The following MLYCD variants were observed in gnomAD, a reference collection of about 807,000 sequenced individuals.
MLYCD encodes the protein malonyl-CoA decarboxylase.
A neutral mutation model predicts 35.8 loss-of-function variants in MLYCD; 27 were observed. That is an observed-to-expected ratio of 0.75 (90% CI 0.56 to 1.04). The LOEUF is 1.04. Ranked by LOEUF, MLYCD falls within the 50% of genes least tolerant of loss-of-function variation. The pLI is 0.00. For synonymous variants in MLYCD, 403 were observed against 302.4 expected (o/e 1.33, Z -3.45); for missense variants, 917 against 665.1 (o/e 1.38, Z -4.17).
Position 83,899,467 on chromosome 16 carries a change from G to T in MLYCD, c.323G>T (p.Gly108Val), listed in dbSNP as rs373241059. Reference sequence around the variant, plus strand: ...GGCCAGGTGGCGGAGCAGAGCGCCGGCGTGCTCCATCTGCGCCAGCAGCAG... The same window carrying T: ...GGCCAGGTGGCGGAGCAGAGCGCCGTCGTGCTCCATCTGCGCCAGCAGCAG... ...DHGQVAEQSA[G>V]VLHLRQQQRE... Residue 108 changes from glycine (G) to valine (V), a missense_variant, in exon 1 of 5, where the codon GGC becomes GTC. Coordinates refer to ENST00000262430, the MANE Select transcript of MLYCD (RefSeq NM_012213.3). 7 of 1,546,210 alleles carry T rather than the reference G, an allele frequency of 4.5e-6. No homozygotes were observed. The highest frequency in any genetic ancestry group is 2.5e-5 in the East Asian group (1 of 39,782).
At chr16:83,905,430 A>G (rs113877784) in intron 1 of MLYCD, among the ~76,000 whole-genome samples, 1 of 152,178 alleles carries the variant, frequency 6.6e-6, no homozygotes, top group Non-Finnish European at 1.5e-5. Context: ...AGTGATTTGA[A>G]TATGACAGAA....
intron 2 of MLYCD, among the ~76,000 whole-genome samples, chr16:83,907,595 G>A (rs1328108167): frequency 6.6e-6 from 1 of 152,174 alleles, no homozygotes; most frequent in Non-Finnish European, 1.5e-5. Context: ...TTTGCACGTA[G>A]GCATCTTCAC....
chr16:83,913,492 G>A (rs994206187), intron 4 of MLYCD: 1 of 152,290 alleles, frequency 6.6e-6, no homozygotes, highest in South Asian at 2.1e-4. Flanking sequence ...GTCTGGAAGG[G>A]AACAAATGGC....
In MLYCD at chr16:83,908,116, T is replaced by G. The variant is rs1427821759; in HGVS notation, c.642-10T>G. 2.5e-6 allele frequency: 4 copies of G among 1,614,244 alleles called. 1 individual carries two copies. In the South Asian group the frequency reaches 3.3e-5, roughly 13 times the overall value. On this transcript the variant is annotated splice_polypyrimidine_tract_variant and intron_variant, in intron 2 of 4. Coordinates refer to ENST00000262430, the MANE Select transcript of MLYCD (RefSeq NM_012213.3). ...GCATTTGTCTTGTCTCTTTATAAAT[T>G]CCGCCCCAGGGCTGAGGCTGTGCAT... is the stretch of plus-strand genomic sequence containing the variant.
At chr16:83,899,760 C>G (rs1906716106) in intron 1 of MLYCD, 88 bp downstream of exon 1, 1 of 1,380,468 alleles carries the variant, frequency 7.2e-7, no homozygotes, top group Non-Finnish European at 9.5e-7. Context: ...TCCCACACAC[C>G]CCGCCTTCCC....
intron 3 of MLYCD, chr16:83,911,745 C>G (rs570457629): frequency 3.4e-5 from 7 of 207,118 alleles, no homozygotes; most frequent in African/African-American, 4.6e-5. Context: ...CTTATAGCCT[C>G]TTGAGAAATT....
chr16:83,899,763 G>C (rs1906716307), intron 1 of MLYCD, 91 bp downstream of exon 1: 4 of 1,368,472 alleles, frequency 2.9e-6, no homozygotes, highest in Non-Finnish European at 3.8e-6. Flanking sequence ...CACACACCCC[G>C]CCTTCCCTGC....
At position 83,912,468 on chromosome 16, in the gene MLYCD, C is replaced by T. The variant is rs1028454528; in HGVS notation, c.948+101C>T. On this transcript the variant is annotated intron_variant, in intron 4 of 4. Coordinates refer to ENST00000262430, the MANE Select transcript of MLYCD (RefSeq NM_012213.3). ...GTGCCATGAGGGACACAGATGAAGA[C>T]AGGAGCTAAAGGGAGGGGCAGGGGG... 2.0e-6 allele frequency: 3 copies of T among 1,519,060 alleles called. No individual in the cohort carries two copies. In the Admixed American group the frequency reaches 5.4e-5, roughly 27 times the overall value. 94.1% of individuals were successfully genotyped at this position (1,519,060 alleles called of 1,614,324 possible). A position where few individuals can be genotyped will look rare whatever the true frequency, so the allele number is the denominator to read the frequency against.
intron 1 of MLYCD, among the ~76,000 whole-genome samples, chr16:83,906,184 C>G (rs766000407): frequency 6.6e-6 from 1 of 151,954 alleles, no homozygotes; most frequent in African/African-American, 2.4e-5. Flanking sequence ...CTCAGGAGCT[C>G]GAGACTAGCC....
rs183860475 is a variant in MLYCD at position 83,903,185 on chromosome 16, A to T, written c.528+3513A>T. On this transcript the variant is annotated intron_variant, in intron 1 of 4. Transcript: ENST00000262430. ...GTTTGGACCTTGCTGTTAGGGTGGA[A>T]TGAGAGGTGCTCCAACCTTAACAGA... Among the ~76,000 whole-genome samples the T allele has an allele frequency of 3.7e-4, 56 of 152,234 alleles. 1 individual carries two copies. Among genetic ancestry groups the T allele is most frequent in the African/African-American group, 1.3e-3 (54 of 41,554 alleles).
intron 1 of MLYCD, among the ~76,000 whole-genome samples, chr16:83,902,035 A>G (rs1027025935): frequency 2.6e-5 from 4 of 151,772 alleles, no homozygotes; most frequent in Non-Finnish European, 2.9e-5. Flanking sequence ...TATTCAGTGC[A>G]TGTAACTGTT....
rs1907760387 is a variant in MLYCD at position 83,924,948 on chromosome 16, C to G, written c.*9459C>G. On this transcript the variant is annotated 3_prime_UTR_variant, in exon 5 of 5. Coordinates refer to ENST00000262430, the MANE Select transcript of MLYCD (RefSeq NM_012213.3). ...CCGCCACTCTTAGTCAGCCATTCCT[C>G]TCGGCTTCCGGGAGTCCCCTCCTTC... 6.6e-6 allele frequency: 1 copy of G among 152,380 alleles called. No individual in the cohort carries two copies. The allele number at this position is 152,380 out of a possible 1,614,324, so 9.4% of individuals were successfully genotyped here. A position where few individuals can be genotyped will look rare whatever the true frequency, so the allele number is the denominator to read the frequency against.
rs1007078929 is a variant in MLYCD, at chr16:83,916,407, T to C, written c.*918T>C. The C allele has an allele frequency of 1.9e-5, 3 of 161,612 alleles. No homozygotes were observed. The highest frequency in any genetic ancestry group is 3.9e-5 in the Non-Finnish European group (3 of 77,392). 10.0% of individuals were successfully genotyped at this position (161,612 alleles called of 1,614,324 possible). A position where few individuals can be genotyped will look rare whatever the true frequency, so the allele number is the denominator to read the frequency against. ...CTGTGTGCATGTGCACGAGCGTCTC[T>C]GTGTGGATCAGTGCACGTCTGTGCG... On this transcript the variant is annotated 3_prime_UTR_variant, in exon 5 of 5. Coordinates refer to ENST00000262430, the MANE Select transcript of MLYCD (RefSeq NM_012213.3).
chr16:83,901,999 T>A lies in MLYCD; in HGVS notation c.528+2327T>A, dbSNP rs1906803723. 2.6e-5 allele frequency among the ~76,000 whole-genome samples: 4 copies of A among 152,066 alleles called. 1 individual carries two copies. The highest frequency in any genetic ancestry group is 5.9e-5 in the Non-Finnish European group (4 of 67,978). ...GATTGCTTTATTGTGCCCCTTCCAT[T>A]TCTTTACCTAGAAACCCCAGCCTTA... On this transcript the variant is annotated intron_variant, in intron 1 of 4. Coordinates refer to ENST00000262430, the MANE Select transcript of MLYCD (RefSeq NM_012213.3).
chr16:83,899,408 G>A lies in MLYCD; in HGVS notation c.264G>A (p.Leu88=), dbSNP rs761310087. 46 of 1,518,450 alleles carry A rather than the reference G, an allele frequency of 3.0e-5. No homozygotes were observed. Among genetic ancestry groups the A allele is most frequent in the Non-Finnish European group, 7.0e-6 (8 of 1,142,286 alleles). The allele number at this position is 1,518,450 out of a possible 1,614,324, so 94.1% of individuals were successfully genotyped here. The change falls in exon 1 of 5, where the codon CTG becomes CTA. Residue 88 remains leucine (L), a synonymous_variant. Coordinates refer to ENST00000262430, the MANE Select transcript of MLYCD (RefSeq NM_012213.3). ...LAETAQRAEL[L]GRLARGFGVD... Reference sequence around the variant, plus strand: ...AGACGGCCCAGCGGGCCGAACTGCTGGGCCGCCTGGCGCGGGGCTTCGGCG... The same window carrying A: ...AGACGGCCCAGCGGGCCGAACTGCTAGGCCGCCTGGCGCGGGGCTTCGGCG...
rs554188152 is a variant in MLYCD, at chr16:83,910,980, T to C, written c.799-1238T>C. The stretch of plus-strand genomic sequence containing the variant: ...ACACATTCCATACACAATTTCTTTC[T>C]TTTTTTCTTTTTTTTGAGACGGAGT... On this transcript the variant is annotated intron_variant, in intron 3 of 4. Coordinates refer to ENST00000262430, the MANE Select transcript of MLYCD (RefSeq NM_012213.3). Among the ~76,000 whole-genome samples, 222 of 152,222 alleles carry C rather than the reference T, an allele frequency of 1.5e-3. 1 individual carries two copies. The Middle Eastern group carries it at 0.024, about 16-fold the overall frequency.
Position 83,920,256 on chromosome 16 carries a change from A to C in MLYCD, c.*4767A>C, listed in dbSNP as rs1001170221. On this transcript the variant is annotated 3_prime_UTR_variant, in exon 5 of 5. Coordinates refer to ENST00000262430, the MANE Select transcript of MLYCD (RefSeq NM_012213.3). ...TCATAGAGCCCATTCTGTTTGCGATAAAAACAGATCTCCTCCAGCTCACGT... is the reference window on the plus strand; with the variant it reads ...TCATAGAGCCCATTCTGTTTGCGATCAAAACAGATCTCCTCCAGCTCACGT... 2 of 152,196 alleles carry C rather than the reference A, an allele frequency of 1.3e-5. No homozygotes were observed. Among genetic ancestry groups the C allele is most frequent in the African/African-American group, 4.8e-5 (2 of 41,444 alleles). 9.4% of individuals were successfully genotyped at this position (152,196 alleles called of 1,614,324 possible).
At chr16:83,909,758 G>T (rs541093568) in intron 3 of MLYCD, among the ~76,000 whole-genome samples, 57 of 151,652 alleles carry the variant, frequency 3.8e-4, no homozygotes, top group African/African-American at 1.3e-3. Context: ...AGTAGCTGGG[G>T]ATTACAGGCA....
intron 4 of MLYCD, chr16:83,913,318 G>C (rs1417762557): frequency 1.3e-5 from 2 of 152,278 alleles, no homozygotes; most frequent in Non-Finnish European, 2.9e-5. Flanking sequence ...TTCACTGAGG[G>C]TGGTGATTAG....
Sources: allele counts gnomAD v4.1 joint callset (sites outside exome capture counted in the v4.1 genomes callset), GRCh38; gene constraint gnomAD v4.1.1; transcripts MANE v1.5; gene names NCBI Gene and HGNC (gene_info 2026-07-23, HGNC 2026-07-21).